Variants in TBC1D31 observed in about 807,000 individuals in gnomAD.
TBC1D31 encodes the protein WD repeat domain 67.
Under a neutral mutation model 132.9 loss-of-function variants are expected in TBC1D31, and 99 were observed. The observed-to-expected ratio is 0.74, with a 90% CI of 0.63 to 0.88. The LOEUF is 0.88. Ranked by LOEUF, TBC1D31 falls within the 40% of genes least tolerant of loss-of-function variation. The pLI is 0.00. For synonymous variants in TBC1D31, 385 were observed against 419.4 expected, an observed-to-expected ratio of 0.92 and a Z score of 1.00; for missense variants, 1,134 against 1,256.6, an observed-to-expected ratio of 0.90 and a Z score of 1.48.
intron 20 of TBC1D31, among the ~76,000 whole-genome samples, chr8:123,148,591 G>T (rs975640993): frequency 5.9e-5 from 9 of 152,114 alleles, no homozygotes; most frequent in African/African-American, 1.9e-4. Flanking sequence ...GAAACAAAAA[G>T]ATCTGAGGAA....
chr8:123,137,301 T>C (rs1821190191), intron 17 of TBC1D31, among the ~76,000 whole-genome samples: 1 of 152,220 alleles, frequency 6.6e-6, no homozygotes, highest in African/African-American at 2.4e-5. Context: ...CTATAAAGAT[T>C]AAATGAGTTA....
At chr8:123,156,625 G>A (rs1032345048), downstream of TBC1D31, among the ~76,000 whole-genome samples, 19 of 152,126 alleles carry the variant, frequency 1.2e-4, 1 homozygote, top group Admixed American at 6.5e-4. Context: ...GGTGAGGACC[G>A]CAGTAGCAGC....
intron 8 of TBC1D31, among the ~76,000 whole-genome samples, chr8:123,105,682 G>C (rs1241341359): frequency 6.6e-6 from 1 of 152,084 alleles, no homozygotes; most frequent in Admixed American, 6.6e-5. Context: ...TTACAGGCAT[G>C]AGCTGCCACA....
chr8:123,156,457 A>AT (rs1472725714), downstream of TBC1D31, among the ~76,000 whole-genome samples: 3 of 151,916 alleles, frequency 2.0e-5, no homozygotes, highest in East Asian at 5.8e-4. Flanking sequence ...AAAAAAAAAA[A>AT]AAATACCCCA....
At chr8:123,136,872 T>C (rs749655207) in intron 17 of TBC1D31, among the ~76,000 whole-genome samples, 1 of 152,230 alleles carries the variant, frequency 6.6e-6, no homozygotes, top group East Asian at 1.9e-4. Flanking sequence ...AGTTAAACTA[T>C]TCATCAAAAC....
At chr8:123,120,789 T>C (rs532895553) in intron 11 of TBC1D31, among the ~76,000 whole-genome samples, 2 of 152,202 alleles carry the variant, frequency 1.3e-5, no homozygotes, top group Non-Finnish European at 2.9e-5. Flanking sequence ...TTCTAATTTT[T>C]CCACACTTTT....
At chr8:123,126,764 CAG>C in intron 13 of TBC1D31, 77 bp downstream of exon 13, 6 of 1,349,278 alleles carry the variant, frequency 4.4e-6, no homozygotes, top group Non-Finnish European at 6.1e-6. Context: ...TTTTTTGAGA[CAG>C]AGTCTCGCTA....
intron 16 of TBC1D31, among the ~76,000 whole-genome samples, chr8:123,131,479 C>T (rs1449381716): frequency 1.3e-5 from 2 of 150,948 alleles, no homozygotes; most frequent in South Asian, 2.1e-4. Context: ...GGATTATTCT[C>T]ATTATACATT....
intron 10 of TBC1D31, among the ~76,000 whole-genome samples, chr8:123,114,724 A>G (rs1320098374): frequency 6.6e-6 from 1 of 152,256 alleles, no homozygotes; most frequent in East Asian, 1.9e-4. Flanking sequence ...GAAGATTATG[A>G]AGAAAAAATC....
intron 11 of TBC1D31, among the ~76,000 whole-genome samples, chr8:123,121,102 C>T (rs1157436342): frequency 1.3e-5 from 2 of 151,574 alleles, no homozygotes; most frequent in African/African-American, 2.4e-5. Context: ...TACAGGCACC[C>T]GCCACACCAT....
chr8:123,158,364 C>G, the TBC1D31 span, among the ~76,000 whole-genome samples: 2 of 152,104 alleles, frequency 1.3e-5, no homozygotes, highest in Non-Finnish European at 1.5e-5. Flanking sequence ...ATTTATACGG[C>G]GTTTATACGG....
At chr8:123,159,842 C>T in the TBC1D31 span, among the ~76,000 whole-genome samples, 1 of 151,408 alleles carries the variant, frequency 6.6e-6, no homozygotes, top group Non-Finnish European at 1.5e-5. Context: ...GGGGTGGCAA[C>T]TGTATGGTTG....
Position 123,109,502 on chromosome 8 carries a change from C to T in TBC1D31, c.1318C>T (p.Leu440=), listed in dbSNP as rs200320478. The T allele has an allele frequency of 1.4e-5, 22 of 1,613,886 alleles. No homozygotes were observed. Among genetic ancestry groups the T allele is most frequent in the Non-Finnish European group, 1.8e-5 (21 of 1,179,940 alleles). The change falls in exon 10 of 22, where the codon CTG becomes TTG. Residue 440 remains leucine (L), a synonymous_variant. Transcript: ENST00000287380. ...GTTCATTTGGCGCTCTCTGCTACAA[C>T]TGCCTGAAAATCATACTGCGTTTAG... The part of the protein sequence containing the change: ...RMFIWRSLLQ[L]PENHTAFSTL...
chr8:123,128,956 T>C, intron 14 of TBC1D31, 110 bp from the exon 15 acceptor site: 1 of 689,674 alleles, frequency 1.4e-6, no homozygotes, highest in Non-Finnish European at 2.3e-6. Flanking sequence ...AGATAGTTAA[T>C]TCTTGCATAT....
chr8:123,159,707 G>A, the TBC1D31 span, among the ~76,000 whole-genome samples: 1 of 152,072 alleles, frequency 6.6e-6, no homozygotes, highest in Non-Finnish European at 1.5e-5. Flanking sequence ...CAGGAGAATC[G>A]CTTGAACCCG....
chr8:123,120,487 C>T (rs578155665), intron 11 of TBC1D31, among the ~76,000 whole-genome samples: 1 of 152,222 alleles, frequency 6.6e-6, no homozygotes, highest in Admixed American at 6.5e-5. Flanking sequence ...GCCTGGCCAA[C>T]GTGGTGAAAC....
intron 19 of TBC1D31, among the ~76,000 whole-genome samples, chr8:123,144,334 T>A (rs1163937338): frequency 3.9e-5 from 6 of 152,194 alleles, no homozygotes; most frequent in African/African-American, 1.4e-4. Flanking sequence ...TTCTCTGAAT[T>A]TTGTAGATTT....
At chr8:123,160,449 G>A in the TBC1D31 span, among the ~76,000 whole-genome samples, 1 of 109,586 alleles carries the variant, frequency 9.1e-6, no homozygotes, top group South Asian at 3.0e-4. Flanking sequence ...AAGGGAAGTT[G>A]GGGAGGAGAA....
At chr8:123,125,312 G>A (rs918212416) in intron 11 of TBC1D31, among the ~76,000 whole-genome samples, 4 of 152,198 alleles carry the variant, frequency 2.6e-5, no homozygotes, top group Non-Finnish European at 5.9e-5. Context: ...CAGAGTGCAA[G>A]TGAGTCAAAG....
Sources: allele counts gnomAD v4.1 joint callset (sites outside exome capture counted in the v4.1 genomes callset), GRCh38; gene constraint gnomAD v4.1.1; transcripts MANE v1.5; gene names NCBI Gene and HGNC (gene_info 2026-07-23, HGNC 2026-07-21).